MBD2: variants seen among roughly 807,000 people sequenced by gnomAD.
The protein encoded by MBD2 is methyl-CpG binding domain protein 2, also known as methyl-CpG-binding domain protein 2.
A neutral mutation model predicts 39.3 loss-of-function variants in MBD2; 9 were observed. That is an observed-to-expected ratio of 0.23 (90% confidence interval 0.14 to 0.40). The LOEUF (loss-of-function observed/expected upper bound fraction) is 0.40, where lower values mean the gene tolerates loss of function less well. MBD2 is among the 10% of genes least tolerant of loss of function. The probability of loss-of-function intolerance (pLI) is 1.00; values close to 1 mark genes in which losing one functional copy is unlikely to be tolerated. For missense variants in MBD2, 458 were observed against 532.6 expected (o/e 0.86, Z 1.38); for synonymous variants, 233 against 211.1 (o/e 1.10, Z -0.90).
intron 3 of MBD2, among the ~76,000 whole-genome samples, chr18:54,171,970 T>C (rs780607301): frequency 6.6e-6 from 1 of 152,234 alleles, no homozygotes; most frequent in Non-Finnish European, 1.5e-5. Flanking sequence ...CATGTTTGGC[T>C]CTTGTTAGGT....
At chr18:54,208,668 G>T (rs182302149) in intron 1 of MBD2, among the ~76,000 whole-genome samples, 2 of 152,280 alleles carry the variant, frequency 1.3e-5, no homozygotes, top group East Asian at 3.9e-4. Context: ...TTAGCTTATG[G>T]CTTAGAGACA....
At chr18:54,177,093 C>T (rs573687906) in intron 3 of MBD2, among the ~76,000 whole-genome samples, 13 of 152,286 alleles carry the variant, frequency 8.5e-5, no homozygotes, top group African/African-American at 3.1e-4. Flanking sequence ...GAGTATCATT[C>T]GTGGTGCCTA....
At position 54,154,493 on chromosome 18, in the gene MBD2, A is replaced by G. The variant is rs919226970; in HGVS notation, c.*831T>C. The G allele has an allele frequency of 3.3e-5, 5 of 152,162 alleles. No individual in the cohort carries two copies. Among genetic ancestry groups the G allele is most frequent in the Non-Finnish European group, 4.4e-5 (3 of 68,024 alleles). The allele number at this position is 152,162 out of a possible 1,614,324, so 9.4% of individuals were successfully genotyped here. ...AAACATTCTTTAAAAAACAATAAAC[A>G]TGGACGCCTTCTAGTAACACCTGAA... On this transcript the variant is annotated 3_prime_UTR_variant, in exon 7 of 7. Transcript: ENST00000256429.
chr18:54,204,061 GCCCTTCTTATTC>G (rs1339368161), intron 2 of MBD2, among the ~76,000 whole-genome samples: 1 of 152,170 alleles, frequency 6.6e-6, no homozygotes, highest in East Asian at 1.9e-4. Context: ...TGGGTCCAAA[GCCCTTCTTATTC>G]CACTACACTG....
intron 3 of MBD2, among the ~76,000 whole-genome samples, chr18:54,171,301 G>A (rs1382426935): frequency 6.6e-6 from 1 of 152,026 alleles, no homozygotes; most frequent in African/African-American, 2.4e-5. Context: ...GGAAGCTGAG[G>A]CAGGAGAATC....
chr18:54,214,184 C>G (rs569745147), intron 1 of MBD2, among the ~76,000 whole-genome samples: 45 of 149,128 alleles, frequency 3.0e-4, no homozygotes, highest in Middle Eastern at 3.4e-3. Context: ...TTGTTTGTTT[C>G]TTTCTTTCTT....
chr18:54,177,993 C>A (rs536827879), intron 3 of MBD2, among the ~76,000 whole-genome samples: 1 of 152,114 alleles, frequency 6.6e-6, no homozygotes, highest in East Asian at 1.9e-4. Context: ...GCCCACACCA[C>A]TGCGCCAGCT....
intron 2 of MBD2, among the ~76,000 whole-genome samples, chr18:54,191,866 A>C (rs1452672380): frequency 6.6e-6 from 1 of 152,164 alleles, no homozygotes; most frequent in Non-Finnish European, 1.5e-5. Context: ...ATCTCAAATG[A>C]CTAACAGTAT....
intron 4 of MBD2, among the ~76,000 whole-genome samples, chr18:54,165,685 TTGGG>T (rs910992651): frequency 2.0e-5 from 3 of 152,128 alleles, no homozygotes; most frequent in African/African-American, 7.2e-5. Context: ...GGTTGTTCTT[TTGGG>T]AAGAGGATGA....
intron 1 of MBD2, 80 bp downstream of exon 1, chr18:54,223,938 C>T (rs2086636117): frequency 7.9e-7 from 1 of 1,265,772 alleles, no homozygotes; most frequent in Non-Finnish European, 1.1e-6. Flanking sequence ...GGCCCCAGCG[C>T]TCATCCTCTG....
Position 54,152,523 on chromosome 18 carries a change from C to T in MBD2, c.*2801G>A, listed in dbSNP as rs1260205093. On this transcript the variant is annotated 3_prime_UTR_variant, in exon 7 of 7. Transcript: ENST00000256429. The stretch of plus-strand genomic sequence containing the variant: ...GTAACGGGAAATCAGACAAACACAT[C>T]CTTGCTCTCATGGAGCTTACATTCT... The T allele has an allele frequency of 1.3e-5, 2 of 152,196 alleles. No individual in the cohort carries two copies. The highest frequency in any genetic ancestry group is 4.8e-5 in the African/African-American group (2 of 41,432). The allele number at this position is 152,196 out of a possible 1,614,324, so 9.4% of individuals were successfully genotyped here.
Position 54,151,781 on chromosome 18 carries a change from C to G in MBD2, c.*3543G>C, listed in dbSNP as rs1401805982. 1 of 144,884 alleles carries G rather than the reference C, an allele frequency of 6.9e-6. No homozygotes were observed. The highest frequency in any genetic ancestry group is 1.5e-5 in the Non-Finnish European group (1 of 66,896). The allele number at this position is 144,884 out of a possible 1,614,324, so 9.0% of individuals were successfully genotyped here. ...TATTTTAAAAATCCAAACGAGTAAT[C>G]TTATATTCAAAGAGATTGTATAACA... On this transcript the variant is annotated 3_prime_UTR_variant, in exon 7 of 7. Transcript: ENST00000256429.
At chr18:54,206,277 AT>A (rs1389105520) in intron 1 of MBD2, among the ~76,000 whole-genome samples, 3 of 152,150 alleles carry the variant, frequency 2.0e-5, no homozygotes, top group East Asian at 1.9e-4. Context: ...TTCCTAAAAA[AT>A]TTTTTTCCTG....
chr18:54,209,023 G>A (rs981319046), intron 1 of MBD2, among the ~76,000 whole-genome samples: 3 of 152,094 alleles, frequency 2.0e-5, no homozygotes, highest in Admixed American at 1.3e-4. Flanking sequence ...GGCCAGGCAC[G>A]GTGGCTCACA....
intron 3 of MBD2, among the ~76,000 whole-genome samples, chr18:54,182,376 A>C (rs2086257197): frequency 1.3e-5 from 2 of 152,194 alleles, no homozygotes; most frequent in Admixed American, 1.3e-4. Flanking sequence ...GTCACTTGAG[A>C]GATGAGTAAG....
intron 6 of MBD2, among the ~76,000 whole-genome samples, chr18:54,157,164 C>A (rs1352356780): frequency 6.6e-6 from 1 of 152,094 alleles, no homozygotes; most frequent in Non-Finnish European, 1.5e-5. Flanking sequence ...TACATCCTTG[C>A]CAGCTTGGAA....
intron 2 of MBD2, among the ~76,000 whole-genome samples, chr18:54,197,878 G>C (rs917532994): frequency 6.6e-6 from 1 of 152,056 alleles, no homozygotes; most frequent in African/African-American, 2.4e-5. Flanking sequence ...GGGACTTTAG[G>C]GCCTAGAAAT....
chr18:54,205,930 CA>C (rs2086446417), intron 1 of MBD2, among the ~76,000 whole-genome samples: 1 of 151,482 alleles, frequency 6.6e-6, no homozygotes, highest in African/African-American at 2.4e-5. Context: ...CTTCTCAAGT[CA>C]GCAACCCTTG....
intron 1 of MBD2, among the ~76,000 whole-genome samples, chr18:54,214,458 C>A (rs1387374479): frequency 6.6e-6 from 1 of 152,070 alleles, no homozygotes; most frequent in African/African-American, 2.4e-5. Context: ...TTCAGCCTCC[C>A]AAAGTGCTGG....
Sources: gnomAD v4.1 joint callset for allele counts (sites outside exome capture counted in the v4.1 genomes callset) on GRCh38, gnomAD v4.1.1 for gene constraint, MANE v1.5 for transcripts, NCBI Gene and HGNC (gene_info 2026-07-23, HGNC 2026-07-21) for gene names.